SLC35F4: variants seen among roughly 807,000 people sequenced by gnomAD.
SLC35F4 encodes chromosome 14 open reading frame 36.
Under a neutral mutation model 44.2 loss-of-function variants are expected in SLC35F4, and 24 were observed. The ratio of observed to expected loss-of-function variants is 0.54; its 90% CI spans 0.39 to 0.76. SLC35F4 has a LOEUF of 0.76. Ranked by LOEUF, SLC35F4 falls within the 30% of genes least tolerant of loss-of-function variation. The pLI, the probability that SLC35F4 is intolerant of heterozygous loss-of-function variation, is 0.00. For missense variants in SLC35F4, 562 were observed against 586.1 expected (o/e 0.96, Z 0.42); for synonymous variants, 238 against 223.6 (o/e 1.06, Z -0.57).
chr14:57,576,970 T>C (rs1173735469), intron 4 of SLC35F4, among the ~76,000 whole-genome samples: 3 of 152,170 alleles, frequency 2.0e-5, no homozygotes, highest in Non-Finnish European at 4.4e-5. Flanking sequence ...CTCTTGGCTA[T>C]ATTCATAAGT....
intron 1 of SLC35F4, among the ~76,000 whole-genome samples, chr14:57,900,743 A>G (rs1455658065): frequency 1.3e-5 from 2 of 152,208 alleles, no homozygotes; most frequent in Non-Finnish European, 2.9e-5. Context: ...CAGGAAACCT[A>G]TAGAATAGGA....
intron 1 of SLC35F4, among the ~76,000 whole-genome samples, chr14:57,810,141 G>A (rs1033025868): frequency 6.6e-6 from 1 of 152,132 alleles, no homozygotes; most frequent in African/African-American, 2.4e-5. Context: ...CCTGTCACAT[G>A]CCCCTCCTCC....
chr14:57,752,995 CT>C (rs2076920591), intron 1 of SLC35F4, among the ~76,000 whole-genome samples: 1 of 152,160 alleles, frequency 6.6e-6, no homozygotes, highest in South Asian at 2.1e-4. Context: ...CACATTGCTA[CT>C]GATATTCTCT....
intron 1 of SLC35F4, among the ~76,000 whole-genome samples, chr14:57,897,423 G>A (rs1955643): frequency 0.12 from 18,318 of 151,830 alleles, 1,350 homozygotes; most frequent in East Asian, 0.4. Context: ...AAAGGATTTA[G>A]GGCAAGTACA....
At chr14:57,874,463 G>A (rs1019982096) in intron 1 of SLC35F4, among the ~76,000 whole-genome samples, 3 of 152,098 alleles carry the variant, frequency 2.0e-5, no homozygotes, top group Non-Finnish European at 2.9e-5. Flanking sequence ...CTCAAAGTAC[G>A]AGCAAGGCAC....
At chr14:57,798,681 A>C (rs2078112641) in intron 1 of SLC35F4, among the ~76,000 whole-genome samples, 1 of 152,232 alleles carries the variant, frequency 6.6e-6, no homozygotes, top group Admixed American at 6.5e-5. Flanking sequence ...AAATCTGAAC[A>C]AATCAACTTT....
chr14:57,929,324 C>T lies in SLC35F4; in HGVS notation n.282+52589G>A, dbSNP rs74244871. ...AATATAATACCTTTCATCTTAAATA[C>T]GGCATTTAAACATTAAAATGTTTCT... On this transcript the variant is annotated intron_variant and non_coding_transcript_variant, in intron 1 of 1. Coordinates refer to the SLC35F4 transcript ENST00000556568. 1.2e-4 allele frequency among the ~76,000 whole-genome samples: 18 copies of T among 152,158 alleles called. No homozygotes were observed. The East Asian group carries it at 1.5e-3, about 13-fold the overall frequency.
At chr14:57,747,415 A>C (rs1043028946) in intron 1 of SLC35F4, among the ~76,000 whole-genome samples, 2 of 152,312 alleles carry the variant, frequency 1.3e-5, no homozygotes, top group East Asian at 3.9e-4. Context: ...GGGTGTTTCT[A>C]ATTTTGACTA....
intron 1 of SLC35F4, among the ~76,000 whole-genome samples, chr14:57,623,159 C>T (rs1435258299): frequency 2.0e-5 from 3 of 152,044 alleles, no homozygotes; most frequent in African/African-American, 7.2e-5. Flanking sequence ...AGGTTGCAAT[C>T]CTATTCTCTG....
intron 1 of SLC35F4, among the ~76,000 whole-genome samples, chr14:57,727,079 G>A (rs1218709297): frequency 6.6e-6 from 1 of 151,778 alleles, no homozygotes; most frequent in East Asian, 1.9e-4. Flanking sequence ...CCTATTGTGG[G>A]ACCTTGTGAT....
chr14:57,969,341 G>T (rs1242790136), intron 1 of SLC35F4, among the ~76,000 whole-genome samples: 1 of 152,152 alleles, frequency 6.6e-6, no homozygotes, highest in East Asian at 1.9e-4. Context: ...GAAATCAAAT[G>T]ATTCTAAGGT....
At chr14:57,791,618 T>A (rs2077921687) in intron 1 of SLC35F4, among the ~76,000 whole-genome samples, 1 of 152,150 alleles carries the variant, frequency 6.6e-6, no homozygotes, top group Non-Finnish European at 1.5e-5. Flanking sequence ...GACCCAGCAA[T>A]CCCATTACTG....
chr14:57,689,899 TAAAAA>T (rs926905673), intron 1 of SLC35F4, among the ~76,000 whole-genome samples: 1 of 151,316 alleles, frequency 6.6e-6, no homozygotes, highest in Non-Finnish European at 1.5e-5. Context: ...AAAATAAAAA[TAAAAA>T]AAAATAAAGA....
chr14:57,833,085 C>A (rs1240039471), intron 1 of SLC35F4, among the ~76,000 whole-genome samples: 2 of 152,106 alleles, frequency 1.3e-5, no homozygotes, highest in African/African-American at 2.4e-5. Context: ...AGAACAAGAA[C>A]AAAAGTTCTC....
chr14:57,921,143 G>T (rs1424132233), intron 1 of SLC35F4, among the ~76,000 whole-genome samples: 1 of 152,142 alleles, frequency 6.6e-6, no homozygotes, highest in Admixed American at 6.5e-5. Flanking sequence ...ACATCCACTT[G>T]GTAAATGCTC....
chr14:57,649,418 C>T (rs912571715), intron 1 of SLC35F4, among the ~76,000 whole-genome samples: 1 of 152,090 alleles, frequency 6.6e-6, no homozygotes, highest in Non-Finnish European at 1.5e-5. Flanking sequence ...CCCTATCACC[C>T]CTGCTTTTGT....
At chr14:57,923,459 G>A (rs565546749) in intron 1 of SLC35F4, among the ~76,000 whole-genome samples, 15 of 152,296 alleles carry the variant, frequency 9.8e-5, no homozygotes, top group African/African-American at 3.6e-4. Context: ...GCTTGGCAGG[G>A]CATTCAGGAA....
chr14:57,603,468 A>G (rs2070958925), intron 1 of SLC35F4, among the ~76,000 whole-genome samples: 1 of 152,150 alleles, frequency 6.6e-6, no homozygotes, highest in African/African-American at 2.4e-5. Flanking sequence ...ACATCCTACA[A>G]TGGAAACTGA....
At chr14:57,934,745 T>C (rs894182335) in intron 1 of SLC35F4, among the ~76,000 whole-genome samples, 7 of 152,224 alleles carry the variant, frequency 4.6e-5, no homozygotes, top group Non-Finnish European at 7.4e-5. Context: ...AGCAGAGCTT[T>C]TTCTCTTAGC....
Sources: gnomAD v4.1 joint callset for allele counts (sites outside exome capture counted in the v4.1 genomes callset) on GRCh38, gnomAD v4.1.1 for gene constraint, MANE v1.5 for transcripts, NCBI Gene and HGNC (gene_info 2026-07-23, HGNC 2026-07-21) for gene names.